The following OPRM1 variants were observed in gnomAD, a reference collection of about 807,000 sequenced individuals.
OPRM1 encodes the protein opioid receptor mu 1, also known as mu-type opioid receptor.
In OPRM1, 27 loss-of-function variants were observed where a neutral mutation model predicts 31.8. The observed-to-expected ratio is 0.85, with a 90% CI of 0.63 to 1.17. The LOEUF (loss-of-function observed/expected upper bound fraction) is 1.17. OPRM1 is among the 50% of genes most tolerant of loss of function. The pLI, the probability that OPRM1 is intolerant of heterozygous loss-of-function variation, is 0.00. For missense variants in OPRM1, 536 were observed against 511.1 expected (o/e 1.05, Z -0.47); for synonymous variants, 196 against 189.9 (o/e 1.03, Z -0.26).
intron 3 of OPRM1, among the ~76,000 whole-genome samples, chr6:154,242,867 C>A (rs61487560): frequency 0.034 from 4,936 of 144,254 alleles, 289 homozygotes; most frequent in African/African-American, 0.12. Context: ...CAGCCTGGGC[C>A]ATAGAGCAAG....
At chr6:154,016,289 G>A (rs1014077329) in intron 1 of OPRM1, among the ~76,000 whole-genome samples, 127 of 152,132 alleles carry the variant, frequency 8.3e-4, no homozygotes, top group African/African-American at 2.8e-3. Context: ...AGTGAAATAT[G>A]TCTCTGCATA....
intron 3 of OPRM1, among the ~76,000 whole-genome samples, chr6:154,110,886 CA>C (rs374739553): frequency 0.021 from 1,323 of 63,528 alleles, 10 homozygotes; most frequent in African/African-American, 0.066. Context: ...GACTCCGTCT[CA>C]AAAAAAAAAA....
intron 3 of OPRM1, among the ~76,000 whole-genome samples, chr6:154,095,616 T>C (rs548732486): frequency 4.3e-4 from 66 of 152,336 alleles, no homozygotes; most frequent in Admixed American, 7.2e-4. Context: ...CGCGTACTTT[T>C]GATAAGGAGA....
chr6:154,100,078 ATAT>A (rs1348285870), intron 3 of OPRM1, among the ~76,000 whole-genome samples: 1 of 116,396 alleles, frequency 8.6e-6, no homozygotes, highest in East Asian at 2.7e-4. Context: ...GATATATATC[ATAT>A]TATATATTAT....
At chr6:154,166,534 G>A (rs577840701) in intron 3 of OPRM1, among the ~76,000 whole-genome samples, 1 of 152,328 alleles carries the variant, frequency 6.6e-6, no homozygotes, top group East Asian at 1.9e-4. Context: ...TTTCGTGACA[G>A]TGTTCCTAAT....
intron 1 of OPRM1, among the ~76,000 whole-genome samples, chr6:154,058,983 T>C (rs955191682): frequency 2.6e-5 from 4 of 152,224 alleles, no homozygotes; most frequent in African/African-American, 9.6e-5. Context: ...CCCTGAAACC[T>C]AAGTGCTTAA....
Position 154,122,103 on chromosome 6 carries a change from A to G in OPRM1, c.*3382A>G, listed in dbSNP as rs575620550. Reference sequence around the variant, plus strand: ...ATTCTAGAGGGTTCTAGCCAAAGCAACCTAAGAATAGGACATGGTAGCTTA... The same window carrying G: ...ATTCTAGAGGGTTCTAGCCAAAGCAGCCTAAGAATAGGACATGGTAGCTTA... On this transcript the variant is annotated 3_prime_UTR_variant, in exon 4 of 4. Coordinates refer to ENST00000330432, the MANE Select transcript of OPRM1 (RefSeq NM_000914.5). 6.0e-4 allele frequency among the ~76,000 whole-genome samples: 91 copies of G among 152,314 alleles called. No homozygotes were observed. Among genetic ancestry groups the G allele is most frequent in the Non-Finnish European group, 1.2e-3 (79 of 68,020 alleles).
chr6:154,139,279 G>A (rs1798139140), intron 3 of OPRM1, among the ~76,000 whole-genome samples: 4 of 152,292 alleles, frequency 2.6e-5, no homozygotes, highest in African/African-American at 4.8e-5. Context: ...GACTTGTGTC[G>A]CTGGTATCAG....
At chr6:154,162,108 C>G (rs1209416052) in intron 3 of OPRM1, among the ~76,000 whole-genome samples, 1 of 152,192 alleles carries the variant, frequency 6.6e-6, no homozygotes, top group Non-Finnish European at 1.5e-5. Context: ...CTGCCCTGTT[C>G]ACAGAGATGG....
intron 1 of OPRM1, among the ~76,000 whole-genome samples, chr6:154,061,512 C>G (rs986260822): frequency 1.3e-5 from 2 of 152,026 alleles, no homozygotes; most frequent in African/African-American, 4.8e-5. Context: ...AAATCATGTC[C>G]TTTGCAGCAA....
intron 3 of OPRM1, among the ~76,000 whole-genome samples, chr6:154,236,899 G>A (rs534191411): frequency 1.5e-4 from 23 of 152,272 alleles, no homozygotes; most frequent in Admixed American, 3.3e-4. Context: ...CCCCTGCAGC[G>A]TGCCTTTTCC....
At position 154,129,852 on chromosome 6, in the gene OPRM1, GCA is replaced by G. The variant is rs59576607; in HGVS notation, c.*11164_*11165del. Among the ~76,000 whole-genome samples, 12,841 of 131,068 alleles carry G rather than the reference GCA, an allele frequency of 0.098. 908 individuals carry two copies. Among genetic ancestry groups the G allele is most frequent in the African/African-American group, 0.21 (7,386 of 35,780 alleles). The allele number at this position is 131,068 out of a possible 152,430, so 86.0% of individuals were successfully genotyped here. A position where few individuals can be genotyped will look rare whatever the true frequency, so the allele number is the denominator to read the frequency against. Reference sequence around the variant, plus strand: ...TTACCACCGACACCCTCCCCCCCCAGCACACACACACACACACACACACACAC... The same window carrying G: ...TTACCACCGACACCCTCCCCCCCCAGCACACACACACACACACACACACAC... On this transcript the variant is annotated 3_prime_UTR_variant, in exon 4 of 4. Coordinates refer to ENST00000330432, the MANE Select transcript of OPRM1 (RefSeq NM_000914.5).
chr6:154,081,622 A>G (rs368276330), intron 1 of OPRM1, among the ~76,000 whole-genome samples: 1 of 152,250 alleles, frequency 6.6e-6, no homozygotes, highest in African/African-American at 2.4e-5. Context: ...AAATGTCTCA[A>G]GATTTCCAAG....
intron 3 of OPRM1, among the ~76,000 whole-genome samples, chr6:154,208,868 T>C (rs1447547113): frequency 6.6e-6 from 1 of 152,230 alleles, no homozygotes; most frequent in Non-Finnish European, 1.5e-5. Context: ...ACTAAAAGAC[T>C]CACATCTATT....
At chr6:154,094,972 C>T (rs1379048615) in intron 3 of OPRM1, among the ~76,000 whole-genome samples, 1 of 152,172 alleles carries the variant, frequency 6.6e-6, no homozygotes, top group Non-Finnish European at 1.5e-5. Flanking sequence ...CTTGCTCTCC[C>T]AAGCCAGAGT....
At chr6:154,100,300 A>ATATTATGACATATATAAT (rs1562473045) in intron 3 of OPRM1, among the ~76,000 whole-genome samples, 2 of 146,512 alleles carry the variant, frequency 1.4e-5, no homozygotes, top group Non-Finnish European at 3.0e-5. Context: ...AATATATATC[A>ATATTATGACATATATAAT]AAAAGTCACA....
At chr6:154,036,477 A>C (rs577754165), upstream of OPRM1, among the ~76,000 whole-genome samples, 2 of 152,064 alleles carry the variant, frequency 1.3e-5, no homozygotes, top group Admixed American at 1.3e-4. Context: ...CCTGCTCTAG[A>C]GAGTAATTGC....
At chr6:154,243,016 T>C (rs905933046) in intron 3 of OPRM1, among the ~76,000 whole-genome samples, 2 of 152,124 alleles carry the variant, frequency 1.3e-5, no homozygotes, top group African/African-American at 4.8e-5. Context: ...TAAGGAGGGA[T>C]AAGTTTGATG....
intron 1 of OPRM1, among the ~76,000 whole-genome samples, chr6:154,018,731 A>C (rs2128379615): frequency 6.6e-6 from 1 of 152,308 alleles, no homozygotes; most frequent in Admixed American, 6.5e-5. Flanking sequence ...GACCCAGGAT[A>C]AACTTTCTCT....
Sources: gnomAD v4.1 joint callset for allele counts (sites outside exome capture counted in the v4.1 genomes callset) on GRCh38, gnomAD v4.1.1 for gene constraint, MANE v1.5 for transcripts, NCBI Gene and HGNC (gene_info 2026-07-23, HGNC 2026-07-21) for gene names.